The following EML2 variants were observed in gnomAD, a reference collection of about 807,000 sequenced individuals.
The protein encoded by EML2 is echinoderm microtubule-associated protein-like 2.
In EML2, 59 loss-of-function variants were observed where a neutral mutation model predicts 84.7. The observed-to-expected ratio is 0.70, with a 90% CI of 0.56 to 0.86. EML2 has a LOEUF of 0.86. Among genes scored for constraint, EML2 ranks in the 40% least tolerant of loss-of-function variants. The pLI is 0.00. For synonymous variants in EML2, 352 were observed against 348.9 expected, an observed-to-expected ratio of 1.01 and a Z score of -0.10; for missense variants, 818 against 855.6, an observed-to-expected ratio of 0.96 and a Z score of 0.55.
upstream of EML2, chr19:45,641,899 T>C: frequency 6.9e-7 from 1 of 1,451,954 alleles, no homozygotes; most frequent in Non-Finnish European, 9.1e-7. Flanking sequence ...AGGCTGGGGG[T>C]CCCGGCCTTG....
intron 8 of EML2, 101 bp downstream of exon 8, chr19:45,626,604 T>C: frequency 1.4e-6 from 2 of 1,388,780 alleles, no homozygotes; most frequent in Non-Finnish European, 2.0e-6. Flanking sequence ...GTCCCTGTAA[T>C]CCCAAACCCC....
At chr19:45,617,837 C>T in intron 12 of EML2, 140 bp from the exon 13 acceptor site, 1 of 627,140 alleles carries the variant, frequency 1.6e-6, no homozygotes, top group East Asian at 2.9e-5. Context: ...ACCCCCACCC[C>T]AGACACCATG....
intron 3 of EML2, 60 bp from the exon 4 acceptor site, chr19:45,634,531 GTTTT>G (rs1252763673): frequency 8.1e-7 from 1 of 1,242,150 alleles, no homozygotes; most frequent in Non-Finnish European, 1.0e-6. Flanking sequence ...TGTTTGTTTT[GTTTT>G]TATTTATTTA....
At chr19:45,635,550 C>T (rs1350533368) in intron 3 of EML2, among the ~76,000 whole-genome samples, 1 of 150,190 alleles carries the variant, frequency 6.7e-6, no homozygotes, top group African/African-American at 2.5e-5. Flanking sequence ...TGATGGTCCC[C>T]TCCCACTCCA....
upstream of EML2, chr19:45,643,802 A>G (rs1040611475): frequency 5.0e-5 from 73 of 1,452,968 alleles, no homozygotes; most frequent in Non-Finnish European, 6.4e-5. Context: ...CCCCCCACTC[A>G]GCGCCTCCCA....
rs781748828 is a variant in EML2, at chr19:45,609,617, C to T, written c.*46G>A. On this transcript the variant is annotated 3_prime_UTR_variant, in exon 19 of 19. Transcript: ENST00000245925. ...ACTCTACTCGGCAATAGACATCTCC[C>T]GAAAATAGAATTCCTGCCCTGACAC... 7.0e-6 allele frequency: 11 copies of T among 1,575,032 alleles called. No individual in the cohort carries two copies. Among genetic ancestry groups the T allele is most frequent in the Admixed American group, 1.9e-5 (1 of 51,864 alleles).
In EML2 at chr19:45,616,509, G is replaced by A. The variant is rs1302631418; in HGVS notation, c.1461C>T (p.Tyr487=). 1.9e-6 allele frequency: 3 copies of A among 1,609,954 alleles called. No homozygotes were observed. The highest frequency in any genetic ancestry group is 2.2e-5 in the East Asian group (1 of 44,750). Residue 487 remains tyrosine (Y), a synonymous_variant, in exon 15 of 19, where the codon TAC becomes TAT. Transcript: ENST00000245925. ...CCTTGCGGCCGCCCTGGTCCACCGT[G>A]TACACGTACACCAAGTTGTCGTGGG... ...VGSHDNLVYV[Y]TVDQGGRKVS...
chr19:45,639,464 G>A (rs1444636654), upstream of EML2: 6 of 1,216,602 alleles, frequency 4.9e-6, no homozygotes. Context: ...GGGCCGCCGC[G>A]CCCCTGCCCC....
Position 45,627,174 on chromosome 19 carries a change from G to T in EML2, c.607-335C>A, listed in dbSNP as rs914320930. Among the ~76,000 whole-genome samples, 8 of 151,528 alleles carry T rather than the reference G, an allele frequency of 5.3e-5. 1 individual carries two copies. The South Asian group carries it at 1.7e-3, about 32-fold the overall frequency. ...AGGATTTCACCATGTTTCCCGGCTG[G>T]TCTCGAACTCTTTACCTCGTGATCC... On this transcript the variant is annotated intron_variant, in intron 7 of 18. Coordinates refer to ENST00000245925, the MANE Select transcript of EML2 (RefSeq NM_012155.4).
At chr19:45,633,260 C>T in intron 4 of EML2, 121 bp from the exon 5 acceptor site, 1 of 961,420 alleles carries the variant, frequency 1.0e-6, no homozygotes, top group Non-Finnish European at 1.6e-6. Flanking sequence ...GTATTTAGTG[C>T]ATTAATAGCA....
At chr19:45,641,597 C>G, upstream of EML2, 1 of 1,522,588 alleles carries the variant, frequency 6.6e-7, no homozygotes, top group Middle Eastern at 1.7e-4. Context: ...TCGACCATTT[C>G]CTCCCTATCT....
Sources: gnomAD v4.1 joint callset for allele counts (sites outside exome capture counted in the v4.1 genomes callset) on GRCh38, gnomAD v4.1.1 for gene constraint, MANE v1.5 for transcripts, NCBI Gene and HGNC (gene_info 2026-07-23, HGNC 2026-07-21) for gene names.